Variants in COL26A1 observed in about 807,000 individuals in gnomAD.
COL26A1 encodes collagen type XXVI alpha 1 chain, also known as collagen alpha-1(XXVI) chain.
Under a neutral mutation model 59.3 loss-of-function variants are expected in COL26A1, and 41 were observed. The ratio of observed to expected loss-of-function variants is 0.69; its 90% confidence interval spans 0.54 to 0.90. The LOEUF (loss-of-function observed/expected upper bound fraction) is 0.90, where lower values mean the gene tolerates loss of function less well. COL26A1 is among the 40% of genes least tolerant of loss of function. The pLI, the probability that COL26A1 is intolerant of heterozygous loss-of-function variation, is 0.00. For synonymous variants in COL26A1, 266 were observed against 256.0 expected, an observed-to-expected ratio of 1.04 and a Z score of -0.37; for missense variants, 612 against 602.3, an observed-to-expected ratio of 1.02 and a Z score of -0.17.
rs1375842083 is a variant in COL26A1 at position 101,385,227 on chromosome 7, C to CTATATAT, written c.158+22037_158+22038insTATATAT. Among the ~76,000 whole-genome samples, 478 of 139,374 alleles carry CTATATAT rather than the reference C, an allele frequency of 3.4e-3. 1 individual carries two copies. The highest frequency in any genetic ancestry group is 0.012 in the African/African-American group (450 of 37,910). 91.4% of individuals were successfully genotyped at this position (139,374 alleles called of 152,430 possible). A position where few individuals can be genotyped will look rare whatever the true frequency, so the allele number is the denominator to read the frequency against. ...GACACTATATATACACACACACACA[C>CTATATAT]ACACTATATATATATATATATATAC... On this transcript the variant is annotated intron_variant, in intron 1 of 12. Transcript: ENST00000313669.
In COL26A1 at chr7:101,413,171, G is replaced by A. The variant is rs372100860; in HGVS notation, c.159-6806G>A. Among the ~76,000 whole-genome samples, 34 of 152,250 alleles carry A rather than the reference G, an allele frequency of 2.2e-4. 1 individual carries two copies. In the South Asian group the frequency reaches 6.8e-3, roughly 31 times the overall value. Reference sequence around the variant, plus strand: ...GCAAGCCTTGAGCTGGTGGTGGCTCGGGACGGTTTGATTGCTCCTCCCCCT... The same window carrying A: ...GCAAGCCTTGAGCTGGTGGTGGCTCAGGACGGTTTGATTGCTCCTCCCCCT... On this transcript the variant is annotated intron_variant, in intron 1 of 12. Transcript: ENST00000313669.
rs745901732 is a variant in COL26A1, at chr7:101,441,287, G to A, written c.282-6397G>A. ...GCTTATGTAAACCACTCAGTACACT[G>A]TGAGTCTGCAATTGAAGCTACTATT... On this transcript the variant is annotated intron_variant, in intron 2 of 12. Transcript: ENST00000313669. 4.7e-4 allele frequency among the ~76,000 whole-genome samples: 71 copies of A among 152,280 alleles called. No individual in the cohort carries two copies. In the Middle Eastern group the frequency reaches 0.014, roughly 29 times the overall value.
At chr7:101,434,089 C>CCTCT (rs1362644903) in intron 2 of COL26A1, among the ~76,000 whole-genome samples, 2 of 94,234 alleles carry the variant, frequency 2.1e-5, no homozygotes, top group African/African-American at 5.6e-5. Flanking sequence ...TCCCTCCCTC[C>CCTCT]CTCTTTCTTT....
intron 2 of COL26A1, among the ~76,000 whole-genome samples, chr7:101,446,548 T>A (rs1446033212): frequency 6.6e-6 from 1 of 152,004 alleles, no homozygotes; most frequent in Non-Finnish European, 1.5e-5. Flanking sequence ...GACAGGGGAA[T>A]TGCAATAGAG....
chr7:101,362,801 A>G, upstream of COL26A1: 1 of 530,510 alleles, frequency 1.9e-6, no homozygotes, highest in Non-Finnish European at 3.3e-6. Context: ...TTAACAAAAA[A>G]GCCCCACGCC....
At chr7:101,407,931 G>A (rs1792166453) in intron 1 of COL26A1, among the ~76,000 whole-genome samples, 1 of 152,100 alleles carries the variant, frequency 6.6e-6, no homozygotes, top group Non-Finnish European at 1.5e-5. Flanking sequence ...CATTAAGATG[G>A]GTATAAATAG....
chr7:101,401,620 AAAG>A (rs1318476488), intron 1 of COL26A1, among the ~76,000 whole-genome samples: 3 of 144,058 alleles, frequency 2.1e-5, no homozygotes, highest in Non-Finnish European at 3.1e-5. Flanking sequence ...AAGAAGAGGA[AAAG>A]GAGGAGGCAG....
intron 1 of COL26A1, among the ~76,000 whole-genome samples, chr7:101,397,787 C>T (rs567622068): frequency 3.2e-4 from 49 of 152,276 alleles, no homozygotes; most frequent in African/African-American, 1.1e-3. Context: ...GTCTTCCCAC[C>T]TCAGCCCCCC....
intron 1 of COL26A1, among the ~76,000 whole-genome samples, chr7:101,364,413 G>A (rs1156467420): frequency 6.6e-6 from 1 of 151,838 alleles, no homozygotes; most frequent in Non-Finnish European, 1.5e-5. Flanking sequence ...GGGCTCAAGC[G>A]ATCCTCCCGC....
At chr7:101,413,322 C>G (rs1485538669) in intron 1 of COL26A1, among the ~76,000 whole-genome samples, 2 of 152,140 alleles carry the variant, frequency 1.3e-5, no homozygotes, top group Non-Finnish European at 2.9e-5. Flanking sequence ...AGTTCCAGAC[C>G]AGTCTGGCCA....
At chr7:101,402,657 T>G (rs531505421) in intron 1 of COL26A1, among the ~76,000 whole-genome samples, 1 of 112,818 alleles carries the variant, frequency 8.9e-6, no homozygotes, top group South Asian at 3.6e-4. Flanking sequence ...CTTCCTTCCT[T>G]CCTTCCCTCC....
At chr7:101,550,199 G>T (rs545328934) in intron 9 of COL26A1, among the ~76,000 whole-genome samples, 1 of 152,192 alleles carries the variant, frequency 6.6e-6, no homozygotes, top group African/African-American at 2.4e-5. Context: ...GATGGCTGAC[G>T]CCTGTAATCC....
chr7:101,439,867 A>G (rs898109322), intron 2 of COL26A1, among the ~76,000 whole-genome samples: 2 of 152,142 alleles, frequency 1.3e-5, no homozygotes, highest in Admixed American at 1.3e-4. Flanking sequence ...GGACCTTGTT[A>G]TTGGCCCTTA....
chr7:101,399,529 G>T (rs1008449913), intron 1 of COL26A1, among the ~76,000 whole-genome samples: 1 of 152,046 alleles, frequency 6.6e-6, no homozygotes, highest in African/African-American at 2.4e-5. Context: ...TCACCATTTT[G>T]CCCAGGCTGG....
chr7:101,483,990 AGTGTGT>A (rs55863250), intron 3 of COL26A1, among the ~76,000 whole-genome samples: 3,785 of 127,972 alleles, frequency 0.03, 194 homozygotes, highest in African/African-American at 0.1. Context: ...AACTTTTTAA[AGTGTGT>A]GTGTGTGTGT....
At chr7:101,514,885 C>T (rs1794997857) in intron 3 of COL26A1, among the ~76,000 whole-genome samples, 1 of 152,262 alleles carries the variant, frequency 6.6e-6, no homozygotes, top group East Asian at 1.9e-4. Flanking sequence ...TCTAGGCTCC[C>T]TTCCCGGCTC....
intron 3 of COL26A1, among the ~76,000 whole-genome samples, chr7:101,461,737 A>C (rs963039223): frequency 1.6e-4 from 25 of 152,288 alleles, no homozygotes; most frequent in African/African-American, 5.8e-4. Flanking sequence ...CATCACATCC[A>C]CACTGTGGCT....
intron 3 of COL26A1, among the ~76,000 whole-genome samples, chr7:101,453,841 C>T (rs545413501): frequency 2.0e-5 from 3 of 152,260 alleles, no homozygotes; most frequent in East Asian, 1.9e-4. Context: ...TGGTGAGTCC[C>T]GCACCATTAA....
chr7:101,501,217 GAAA>G (rs111556828), intron 3 of COL26A1, among the ~76,000 whole-genome samples: 2 of 113,028 alleles, frequency 1.8e-5, no homozygotes, highest in Non-Finnish European at 3.5e-5. Context: ...GAAAAGAAAA[GAAA>G]AAAAAAAAAA....
Sources: allele counts gnomAD v4.1 joint callset (sites outside exome capture counted in the v4.1 genomes callset), GRCh38; gene constraint gnomAD v4.1.1; transcripts MANE v1.5; gene names NCBI Gene and HGNC (gene_info 2026-07-23, HGNC 2026-07-21).